The following SOBP variants were observed in gnomAD, a reference collection of about 807,000 sequenced individuals.
The protein encoded by SOBP is sine oculis binding protein homolog.
In SOBP, 4 loss-of-function variants were observed where a neutral mutation model predicts 53.6. That is an observed-to-expected ratio of 0.07 (90% confidence interval 0.04 to 0.17). The LOEUF is 0.17. Among genes scored for constraint, SOBP ranks in the 10% least tolerant of loss-of-function variants. SOBP has a pLI of 1.00. For missense variants in SOBP, 1,088 were observed against 1,204.7 expected (o/e 0.90, Z 1.43); for synonymous variants, 584 against 522.6 (o/e 1.12, Z -1.60).
rs532168609 is a variant in SOBP at position 107,501,912 on chromosome 6, A to G, written c.97-1745A>G. ...CACGACCAGCCATCAGAGAGAATAAATGCCTCACTAAAGCTTGATGTGACT... is the reference window on the plus strand; with the variant it reads ...CACGACCAGCCATCAGAGAGAATAAGTGCCTCACTAAAGCTTGATGTGACT... On this transcript the variant is annotated intron_variant, in intron 1 of 6. Coordinates refer to ENST00000317357, the MANE Select transcript of SOBP (RefSeq NM_018013.4). Among the ~76,000 whole-genome samples the G allele has an allele frequency of 9.8e-4, 150 of 152,306 alleles. 1 individual carries two copies. Among genetic ancestry groups the G allele is most frequent in the African/African-American group, 3.5e-3 (146 of 41,556 alleles).
In SOBP at chr6:107,530,300, T is replaced by C. The variant is rs552332019; in HGVS notation, c.422-3159T>C. ...TGCCATTGTAAAGCATGCATTTCAT[T>C]TCCATGTTTATTGTAAAGCATGCAT... is the stretch of plus-strand genomic sequence containing the variant. On this transcript the variant is annotated intron_variant, in intron 3 of 6. Transcript: ENST00000317357. Among the ~76,000 whole-genome samples the C allele has an allele frequency of 3.9e-5, 6 of 152,338 alleles. No individual in the cohort carries two copies. The South Asian group carries it at 1.2e-3, about 32-fold the overall frequency.
chr6:107,626,208 A>G (rs564829318), intron 5 of SOBP, among the ~76,000 whole-genome samples: 1 of 152,260 alleles, frequency 6.6e-6, no homozygotes, highest in South Asian at 2.1e-4. Context: ...TTGAGACAGT[A>G]GATATTAAGG....
intron 4 of SOBP, among the ~76,000 whole-genome samples, chr6:107,571,810 A>G (rs1217805993): frequency 6.6e-6 from 1 of 152,208 alleles, no homozygotes; most frequent in African/African-American, 2.4e-5. Flanking sequence ...ATCTAAACTA[A>G]TACAATTTCA....
chr6:107,514,134 C>A, intron 3 of SOBP: 1 of 152,414 alleles, frequency 6.6e-6, no homozygotes, highest in Non-Finnish European at 1.5e-5. Flanking sequence ...ACTGAATGTT[C>A]CTTACATTGT....
chr6:107,514,149 G>C lies in SOBP; in HGVS notation c.421+7722G>C, dbSNP rs1783250467. ...ACTGAATGTTCCTTACATTGTGCTAGACAATACAGATGTATGTCATCATCC... is the reference window on the plus strand; with the variant it reads ...ACTGAATGTTCCTTACATTGTGCTACACAATACAGATGTATGTCATCATCC... On this transcript the variant is annotated intron_variant, in intron 3 of 6. Coordinates refer to ENST00000317357, the MANE Select transcript of SOBP (RefSeq NM_018013.4). 4 of 152,362 alleles carry C rather than the reference G, an allele frequency of 2.6e-5. No homozygotes were observed. In the South Asian group the frequency reaches 6.2e-4, roughly 24 times the overall value. The allele number at this position is 152,362 out of a possible 1,614,324, so 9.4% of individuals were successfully genotyped here. A position where few individuals can be genotyped will look rare whatever the true frequency, so the allele number is the denominator to read the frequency against.
intron 5 of SOBP, among the ~76,000 whole-genome samples, chr6:107,604,850 G>A (rs1786313489): frequency 6.6e-6 from 1 of 152,226 alleles, no homozygotes; most frequent in Non-Finnish European, 1.5e-5. Flanking sequence ...ATGGGTGCGT[G>A]CATGTACATG....
chr6:107,546,895 A>G (rs1486363135), intron 4 of SOBP, among the ~76,000 whole-genome samples: 1 of 152,206 alleles, frequency 6.6e-6, no homozygotes, highest in African/African-American at 2.4e-5. Flanking sequence ...AGGAACATAA[A>G]CAACTGAAGA....
At chr6:107,534,192 G>A (rs571992574) in intron 4 of SOBP, among the ~76,000 whole-genome samples, 10 of 152,306 alleles carry the variant, frequency 6.6e-5, no homozygotes, top group South Asian at 4.1e-4. Flanking sequence ...TGTGAGGAGC[G>A]TGGTGGGTAA....
intron 5 of SOBP, among the ~76,000 whole-genome samples, chr6:107,595,300 AC>A (rs1398280352): frequency 6.6e-6 from 1 of 151,638 alleles, no homozygotes; most frequent in Non-Finnish European, 1.5e-5. Flanking sequence ...TCAATATGAT[AC>A]AAACATTCGA....
At chr6:107,628,564 T>C (rs1770566618) in intron 5 of SOBP, among the ~76,000 whole-genome samples, 1 of 152,122 alleles carries the variant, frequency 6.6e-6, no homozygotes, top group Non-Finnish European at 1.5e-5. Context: ...AGGCTGGGGA[T>C]TGAAAATATA....
chr6:107,567,450 A>AT (rs759968576), intron 4 of SOBP, among the ~76,000 whole-genome samples: 1 of 152,046 alleles, frequency 6.6e-6, no homozygotes, highest in Admixed American at 6.6e-5. Context: ...TATTTACTCT[A>AT]TTTTCCATTA....
rs533755393 is a variant in SOBP at position 107,559,482 on chromosome 6, A to G, written c.573+25872A>G. ...GAAATTTATTTAAACTAAGAAAACAATAGAAACAGGCATGAAATAAGAAAA... is the reference window on the plus strand; with the variant it reads ...GAAATTTATTTAAACTAAGAAAACAGTAGAAACAGGCATGAAATAAGAAAA... On this transcript the variant is annotated intron_variant, in intron 4 of 6. Transcript: ENST00000317357. Among the ~76,000 whole-genome samples, 4 of 152,374 alleles carry G rather than the reference A, an allele frequency of 2.6e-5. No homozygotes were observed. In the South Asian group the frequency reaches 8.3e-4, roughly 32 times the overall value.
intron 3 of SOBP, among the ~76,000 whole-genome samples, chr6:107,515,288 CAAAA>C (rs895417736): frequency 2.6e-5 from 4 of 151,792 alleles, no homozygotes; most frequent in African/African-American, 9.7e-5. Context: ...TTAAGAAAAA[CAAAA>C]AACAAACAAA....
chr6:107,635,303 T>A lies in SOBP; in HGVS notation c.2459T>A (p.Met820Lys). The change falls in exon 6 of 7, where the codon ATG becomes AAG. Residue 820 changes from methionine to lysine, a missense_variant. Transcript: ENST00000317357. This position sits in a 1 kb window ranked among gnomAD's most constrained non-coding sequence, Gnocchi z 4.5. ...ADEDHAYALRMLPKTGCVIQP... is the reference protein window; with the variant it reads ...ADEDHAYALRKLPKTGCVIQP... ...GAGGACCATGCCTATGCTCTGCGGA[T>A]GCTGCCCAAGACCGGCTGCGTGATC... The A allele has an allele frequency of 6.2e-7, 1 of 1,613,878 alleles. No homozygotes were observed. Among genetic ancestry groups the A allele is most frequent in the South Asian group, 1.1e-5 (1 of 91,088 alleles).
chr6:107,506,379 C>T lies in SOBP; in HGVS notation c.373C>T (p.Pro125Ser). 1 of 1,614,160 alleles carries T rather than the reference C, an allele frequency of 6.2e-7. No homozygotes were observed. Among genetic ancestry groups the T allele is most frequent in the Non-Finnish European group, 8.5e-7 (1 of 1,180,030 alleles). ...PAGSKDHGSV[P>S]IIVPLIPPPF... The stretch of plus-strand genomic sequence containing the variant: ...AGGGTCAAAGGATCATGGCAGTGTG[C>T]CCATTATTGTACCTTTAATTCCACC... The change falls in exon 3 of 7, where the codon CCC (proline) becomes TCC (serine). Residue 125 changes from proline (P) to serine (S), a missense_variant. This residue lies in a region of SOBP where 112 missense variants were observed against 117.9 expected (regional missense o/e 0.95). Transcript: ENST00000317357.
intron 5 of SOBP, among the ~76,000 whole-genome samples, chr6:107,603,559 G>A (rs527240816): frequency 1.3e-5 from 2 of 152,298 alleles, no homozygotes; most frequent in African/African-American, 2.4e-5. Context: ...GACATGCCAG[G>A]ACTGACTTTT....
chr6:107,576,824 C>G (rs1014371683), intron 4 of SOBP, among the ~76,000 whole-genome samples: 6 of 152,178 alleles, frequency 3.9e-5, no homozygotes, highest in African/African-American at 1.4e-4. Flanking sequence ...TACCCATACC[C>G]TGATTATAGC....
chr6:107,580,556 G>A (rs1280934349), intron 4 of SOBP, among the ~76,000 whole-genome samples: 2 of 152,188 alleles, frequency 1.3e-5, no homozygotes, highest in Admixed American at 1.3e-4. Context: ...GGTAACCAAG[G>A]AGTCTCAGAC....
At chr6:107,642,142 G>A (rs1771353586) in intron 6 of SOBP, among the ~76,000 whole-genome samples, 1 of 152,190 alleles carries the variant, frequency 6.6e-6, no homozygotes, top group Non-Finnish European at 1.5e-5. Flanking sequence ...TCGTTTAACA[G>A]GGTCCCATTC....
Sources: gnomAD v4.1 joint callset for allele counts (sites outside exome capture counted in the v4.1 genomes callset) on GRCh38, gnomAD v4.1.1 for gene constraint, gnomAD v4.1.1 regional missense constraint, Gnocchi (gnomAD v3.1) non-coding constraint, MANE v1.5 for transcripts, NCBI Gene and HGNC (gene_info 2026-07-23, HGNC 2026-07-21) for gene names.